NT5C2: variants seen among roughly 807,000 people sequenced by gnomAD.
NT5C2 encodes cytosolic purine 5'-nucleotidase.
NT5C2 carries 58 observed loss-of-function variants against 76.1 expected under a neutral mutation model. The ratio of observed to expected loss-of-function variants is 0.76; its 90% CI spans 0.62 to 0.95. The LOEUF (loss-of-function observed/expected upper bound fraction) is 0.95. NT5C2 is among the 40% of genes least tolerant of loss of function. The pLI is 0.00. For missense variants in NT5C2, 478 were observed against 690.3 expected, an observed-to-expected ratio of 0.69 and a Z score of 3.45; for synonymous variants, 229 against 237.4, an observed-to-expected ratio of 0.96 and a Z score of 0.32.
intron 10 of NT5C2, chr10:103,097,920 C>T (rs2068601834): frequency 2.2e-6 from 1 of 456,578 alleles, no homozygotes; most frequent in South Asian, 1.6e-5. Context: ...ATATCTTTTC[C>T]TTCTCGCATA....
chr10:103,115,829 A>T (rs1449799641), intron 4 of NT5C2, among the ~76,000 whole-genome samples: 1 of 152,074 alleles, frequency 6.6e-6, no homozygotes, highest in Non-Finnish European at 1.5e-5. Context: ...CATATATTTC[A>T]TATGTAATAT....
intron 3 of NT5C2, chr10:103,146,453 A>G (rs2081496629): frequency 6.1e-6 from 6 of 985,116 alleles, no homozygotes; most frequent in Non-Finnish European, 7.2e-6. Context: ...ATAATTACAC[A>G]TTGAAAATTT....
intron 4 of NT5C2, chr10:103,125,296 T>TAAAAA: frequency 2.2e-6 from 1 of 448,868 alleles, no homozygotes; most frequent in Non-Finnish European, 4.0e-6. Flanking sequence ...TTGTCACAGT[T>TAAAAA]AAAAAAAAAA....
chr10:103,122,000 C>T (rs1378642885), intron 4 of NT5C2, among the ~76,000 whole-genome samples: 5 of 152,034 alleles, frequency 3.3e-5, no homozygotes, highest in African/African-American at 9.7e-5. Flanking sequence ...CCTAGCCAAC[C>T]CTGTCTCTAC....
intron 4 of NT5C2, among the ~76,000 whole-genome samples, chr10:103,130,363 C>T (rs1384599191): frequency 4.0e-5 from 6 of 151,686 alleles, no homozygotes; most frequent in Non-Finnish European, 7.4e-5. Flanking sequence ...GCAGCATGCT[C>T]GTTAAGAGTC....
chr10:103,180,713 T>C (rs1414724873), intron 2 of NT5C2, among the ~76,000 whole-genome samples: 3 of 151,836 alleles, frequency 2.0e-5, no homozygotes, highest in Non-Finnish European at 4.4e-5. Flanking sequence ...ACAGAGATCC[T>C]GTCTCAAAAG....
chr10:103,111,751 C>T, intron 4 of NT5C2: 1 of 1,231,898 alleles, frequency 8.1e-7, no homozygotes, highest in East Asian at 3.2e-5. Context: ...TCACATGAGG[C>T]AGATGCAGAT....
At chr10:103,143,401 T>G (rs2080894369) in intron 3 of NT5C2, among the ~76,000 whole-genome samples, 3 of 152,032 alleles carry the variant, frequency 2.0e-5, no homozygotes, top group African/African-American at 7.2e-5. Flanking sequence ...ACCTCACCAT[T>G]TAAAAATGCC....
chr10:103,167,119 G>A (rs112224955), intron 3 of NT5C2, among the ~76,000 whole-genome samples: 11,564 of 151,396 alleles, frequency 0.076, 514 homozygotes, highest in Middle Eastern at 0.17. Flanking sequence ...GTATTCAAGC[G>A]ATTCTCCTGC....
intron 4 of NT5C2, among the ~76,000 whole-genome samples, chr10:103,127,682 A>G (rs368471471): frequency 2.6e-5 from 4 of 152,196 alleles, no homozygotes; most frequent in East Asian, 3.8e-4. Flanking sequence ...CTCCCACAGT[A>G]CCCAGTAACA....
chr10:103,127,986 A>G (rs1360758000), intron 4 of NT5C2, among the ~76,000 whole-genome samples: 25 of 151,866 alleles, frequency 1.6e-4, no homozygotes, highest in Admixed American at 1.6e-3. Flanking sequence ...GAACCACTGT[A>G]CCCATACCCA....
intron 2 of NT5C2, among the ~76,000 whole-genome samples, chr10:103,180,433 T>C (rs1048475048): frequency 1.3e-5 from 2 of 152,214 alleles, no homozygotes; most frequent in African/African-American, 4.8e-5. Context: ...CATATCCATA[T>C]AAAGACTTGA....
intron 3 of NT5C2, among the ~76,000 whole-genome samples, chr10:103,147,194 A>C (rs2081623635): frequency 6.6e-6 from 1 of 152,232 alleles, no homozygotes; most frequent in Non-Finnish European, 1.5e-5. Context: ...CACTCTCTTA[A>C]GAACTTTTAG....
At chr10:103,191,172 A>C (rs902852270) in intron 1 of NT5C2, among the ~76,000 whole-genome samples, 3 of 152,018 alleles carry the variant, frequency 2.0e-5, no homozygotes, top group Non-Finnish European at 4.4e-5. Flanking sequence ...CGGGCAGATC[A>C]CCTGAGGTCA....
At chr10:103,164,414 C>T (rs1324405122) in intron 3 of NT5C2, among the ~76,000 whole-genome samples, 6 of 152,054 alleles carry the variant, frequency 3.9e-5, no homozygotes, top group Non-Finnish European at 8.8e-5. Context: ...TGCGCCACCA[C>T]GCCCAGCTAA....
intron 4 of NT5C2, among the ~76,000 whole-genome samples, chr10:103,119,701 T>G (rs184501969): frequency 6.6e-6 from 1 of 152,216 alleles, no homozygotes. Flanking sequence ...AATAGTAAGT[T>G]CAGCTCAGCT....
chr10:103,174,859 G>A lies in NT5C2; in HGVS notation c.100C>T (p.Arg34Trp). The A allele has an allele frequency of 6.2e-7, 1 of 1,602,210 alleles. No homozygotes were observed. The highest frequency in any genetic ancestry group is 8.5e-7 in the Non-Finnish European group (1 of 1,169,658). The change falls in exon 3 of 19, where the codon CGG becomes TGG. Residue 34 changes from arginine (R) to tryptophan (W), a missense_variant and splice_region_variant. Transcript: ENST00000404739. The part of the protein sequence containing the change: ...LKKYRREAYH[R>W]VFVNRSLAME... The stretch of plus-strand genomic sequence containing the variant: ...GGATTAAATAGACAAAATACTTACC[G>A]ATGATAGGCTTCTCGACGATACTTT...
intron 8 of NT5C2, 48 bp from the exon 9 acceptor site, chr10:103,100,067 A>T: frequency 2.3e-6 from 3 of 1,278,594 alleles, no homozygotes; most frequent in Non-Finnish European, 3.4e-6. Context: ...AACAGGGTAA[A>T]CAAAATATAT....
Position 103,183,273 on chromosome 10 carries a change from A to AT in NT5C2, c.-168-1946dup, listed in dbSNP as rs1248724916. 1.3e-4 allele frequency among the ~76,000 whole-genome samples: 15 copies of AT among 116,358 alleles called. No homozygotes were observed. In the South Asian group the frequency reaches 1.7e-3, roughly 13 times the overall value. 76.3% of individuals were successfully genotyped at this position (116,358 alleles called of 152,430 possible). A position where few individuals can be genotyped will look rare whatever the true frequency, so the allele number is the denominator to read the frequency against. On this transcript the variant is annotated intron_variant, in intron 1 of 18. Transcript: ENST00000404739. ...ATATGTGTGTGTGTGATATATATAT[A>AT]TATATATATATATATATATATCACA...
Sources: gnomAD v4.1 joint callset for allele counts (sites outside exome capture counted in the v4.1 genomes callset) on GRCh38, gnomAD v4.1.1 for gene constraint, MANE v1.5 for transcripts, NCBI Gene and HGNC (gene_info 2026-07-23, HGNC 2026-07-21) for gene names.